MYO7A: variants seen among roughly 807,000 people sequenced by gnomAD.
MYO7A encodes the protein unconventional myosin-VIIa.
Under a neutral mutation model 263.8 loss-of-function variants are expected in MYO7A, and 210 were observed. The ratio of observed to expected loss-of-function variants is 0.80; its 90% confidence interval spans 0.71 to 0.89. The LOEUF (loss-of-function observed/expected upper bound fraction) is 0.89. Ranked by LOEUF, MYO7A falls within the 40% of genes least tolerant of loss-of-function variation. The pLI is 0.00. For synonymous variants in MYO7A, 1,239 were observed against 1,197.3 expected (o/e 1.03, Z -0.72); for missense variants, 2,820 against 2,968.3 (o/e 0.95, Z 1.16).
intron 6 of MYO7A, 27 bp downstream of exon 6, chr11:77,156,808 C>G: frequency 6.2e-7 from 1 of 1,613,946 alleles, no homozygotes; most frequent in Non-Finnish European, 8.5e-7. Flanking sequence ...GAGGGTGGGA[C>G]CAGGCAGTGG....
At chr11:77,193,626 G>T (rs1043447008) in intron 31 of MYO7A, among the ~76,000 whole-genome samples, 2 of 151,664 alleles carry the variant, frequency 1.3e-5, no homozygotes, top group Admixed American at 1.3e-4. Flanking sequence ...CAGGCGGAGT[G>T]CATTAGTATA....
At position 77,160,261 on chromosome 11, in the gene MYO7A, C is replaced by T. The variant is rs782647550; in HGVS notation, c.1179C>T (p.Asp393=). The T allele has an allele frequency of 1.8e-5, 28 of 1,570,190 alleles. No homozygotes were observed. The highest frequency in any genetic ancestry group is 7.1e-5 in the East Asian group (3 of 42,106). ...CACTGAGCAGGGAACAGGCACTGGA[C>T]GTGCGCGACGCCTTCGTAAAGGTGG... is the stretch of plus-strand genomic sequence containing the variant. ...STPLSREQAL[D]VRDAFVKGIY... is the part of the protein sequence containing the mutation. Residue 393 remains aspartate, a synonymous_variant, in exon 11 of 49, where the codon GAC becomes GAT. Coordinates refer to ENST00000409709, the MANE Select transcript of MYO7A (RefSeq NM_000260.4).
Position 77,204,183 on chromosome 11 carries a change from G to A in MYO7A, c.5434G>A (p.Glu1812Lys), listed in dbSNP as rs377267777. Residue 1812 changes from glutamate (E) to lysine (K), a missense_variant, in exon 39 of 49, where the codon GAG becomes AAG. Physicochemically the swap from Glu to Lys is moderately conservative, Grantham distance 56. Transcript: ENST00000409709. ...GPLKAEPLKD[E>K]AYVQILKQLT... ...CCTGAAAGCCGAGCCCCTGAAGGAC[G>A]AGGCATATGTGCAGATCCTGAAGCA... 3.2e-6 allele frequency: 5 copies of A among 1,586,372 alleles called. No individual in the cohort carries two copies. Among genetic ancestry groups the A allele is most frequent in the Non-Finnish European group, 4.3e-6 (5 of 1,166,706 alleles).
intron 40 of MYO7A, 58 bp from the exon 41 acceptor site, chr11:77,206,039 T>A: frequency 7.4e-7 from 1 of 1,355,788 alleles, no homozygotes; most frequent in East Asian, 2.5e-5. Context: ...AGTGTCCCGG[T>A]CCCCTGGTCT....
At chr11:77,179,242 C>T in intron 20 of MYO7A, 113 bp downstream of exon 20, 4 of 874,334 alleles carry the variant, frequency 4.6e-6, no homozygotes, top group South Asian at 3.4e-5. Flanking sequence ...TCGTTGGCCT[C>T]CTGCCACTGC....
intron 42 of MYO7A, among the ~76,000 whole-genome samples, chr11:77,208,023 C>T (rs554619762): frequency 1.3e-5 from 2 of 152,324 alleles, no homozygotes; most frequent in African/African-American, 4.8e-5. Context: ...GTGTCTGTTT[C>T]CTCACTTCAT....
Position 77,207,407 on chromosome 11 carries a change from G to T in MYO7A, c.5856+5G>T. 6.3e-7 allele frequency: 1 copy of T among 1,586,888 alleles called. No individual in the cohort carries two copies. The highest frequency in any genetic ancestry group is 8.6e-7 in the Non-Finnish European group (1 of 1,161,122). Reference sequence around the variant, plus strand: ...TTTGTCAAAATTGCAGACAAGGTGGGTCCTTTGCCACCTTCGCCAAGGTGG... The same window carrying T: ...TTTGTCAAAATTGCAGACAAGGTGGTTCCTTTGCCACCTTCGCCAAGGTGG... On this transcript the variant is annotated splice_donor_5th_base_variant and intron_variant, in intron 42 of 48. Transcript: ENST00000409709.
intron 39 of MYO7A, among the ~76,000 whole-genome samples, chr11:77,204,458 G>A (rs569888885): frequency 6.6e-6 from 1 of 152,318 alleles, no homozygotes; most frequent in African/African-American, 2.4e-5. Flanking sequence ...TCCTCTAAGG[G>A]TAACAGCCCC....
At chr11:77,211,034 G>GT (rs1957825527) in intron 44 of MYO7A, 118 bp from the exon 45 acceptor site, 1 of 901,300 alleles carries the variant, frequency 1.1e-6, no homozygotes, top group Non-Finnish European at 1.7e-6. Flanking sequence ...GGAGAGGTGG[G>GT]TGGGCCCATG....
rs111033219 is a variant in MYO7A, at chr11:77,162,176, G to GGCA, written c.1401_1403dup (p.Arg467_His468insGln). ...GAGCACCTGCAGCAGTTCTTTGTGC[G>GGCA]GCACGTGTTCAAGCTGGAGCAGGAG... is the stretch of plus-strand genomic sequence containing the variant. On this transcript the variant is annotated inframe_insertion, in exon 13 of 49. Coordinates refer to ENST00000409709, the MANE Select transcript of MYO7A (RefSeq NM_000260.4). The GGCA allele has an allele frequency of 2.5e-6, 4 of 1,602,066 alleles. No homozygotes were observed. Among genetic ancestry groups the GGCA allele is most frequent in the Non-Finnish European group, 3.4e-6 (4 of 1,174,346 alleles).
intron 32 of MYO7A, among the ~76,000 whole-genome samples, chr11:77,196,085 T>G (rs926717201): frequency 3.9e-5 from 6 of 152,208 alleles, no homozygotes; most frequent in Non-Finnish European, 7.3e-5. Context: ...ACCTTATCTC[T>G]GGGCCAGGCG....
At chr11:77,201,348 G>A (rs1957048566) in intron 35 of MYO7A, 100 bp from the exon 36 acceptor site, 2 of 1,205,572 alleles carry the variant, frequency 1.7e-6, no homozygotes, top group East Asian at 5.1e-5. Context: ...AGAGTGGCAA[G>A]TGGGCAGACA....
intron 16 of MYO7A, among the ~76,000 whole-genome samples, chr11:77,173,971 G>C (rs1312417607): frequency 6.6e-6 from 1 of 151,980 alleles, no homozygotes; most frequent in Non-Finnish European, 1.5e-5. Flanking sequence ...AGCATCTGTG[G>C]ACTGGGCCTT....
At chr11:77,204,038 C>T in intron 38 of MYO7A, 38 bp from the exon 39 acceptor site, 4 of 1,562,162 alleles carry the variant, frequency 2.6e-6, no homozygotes. Context: ...GCCAGTGCTC[C>T]CTCTATTCGG....
At chr11:77,163,687 TTGTGTCTGGCTTGTTTCATTCAGCGTAA>T (rs370499689) in intron 14 of MYO7A, among the ~76,000 whole-genome samples, 2,702 of 152,320 alleles carry the variant, frequency 0.018, 68 homozygotes, top group African/African-American at 0.061. Flanking sequence ...ATTTGTCCTT[TTGTGTCTGGCTTGTTTCATTCAGCGTAA>T]TGTCTTTAAT....
At chr11:77,176,131 TC>T (rs1954637990) in intron 18 of MYO7A, among the ~76,000 whole-genome samples, 1 of 152,194 alleles carries the variant, frequency 6.6e-6, no homozygotes, top group African/African-American at 2.4e-5. Context: ...ATGACAGGGC[TC>T]CTTCCTCTGG....
At chr11:77,157,413 T>A (rs1952592324) in intron 8 of MYO7A, 21 bp downstream of exon 8, 1 of 1,551,514 alleles carries the variant, frequency 6.4e-7, no homozygotes, top group Non-Finnish European at 8.8e-7. Flanking sequence ...GGTGGGCCCC[T>A]GGGTAGGGGG....
Position 77,177,644 on chromosome 11 carries a change from G to C in MYO7A, c.2282+1G>C, listed in dbSNP as rs1565397890. On this transcript the variant is annotated splice_donor_variant, in intron 19 of 48. Transcript: ENST00000409709. LOFTEE classifies it high-confidence loss of function. The stretch of plus-strand genomic sequence containing the variant: ...AAGTCATCCGGGGATTCAAAGACAG[G>C]TGCGTGTTCCCACCAGCTCCTCCCC... The C allele has an allele frequency of 6.2e-7, 1 of 1,606,178 alleles. No homozygotes were observed. The highest frequency in any genetic ancestry group is 8.5e-7 in the Non-Finnish European group (1 of 1,176,540).
intron 2 of MYO7A, among the ~76,000 whole-genome samples, chr11:77,135,445 C>T (rs1002816429): frequency 2.0e-5 from 3 of 152,182 alleles, no homozygotes; most frequent in Non-Finnish European, 4.4e-5. Context: ...TATGTTTATA[C>T]CACATATTGT....
Sources: gnomAD v4.1 joint callset for allele counts (sites outside exome capture counted in the v4.1 genomes callset) on GRCh38, gnomAD v4.1.1 for gene constraint, MANE v1.5 for transcripts, NCBI Gene and HGNC (gene_info 2026-07-23, HGNC 2026-07-21) for gene names.